Variants in BMPR2 observed in about 807,000 individuals in gnomAD.
The protein encoded by BMPR2 is bone morphogenetic protein receptor type-2.
In BMPR2, 29 loss-of-function variants were observed where a neutral mutation model predicts 100.8. The ratio of observed to expected loss-of-function variants is 0.29; its 90% CI spans 0.21 to 0.39. The LOEUF is 0.39. Ranked by LOEUF, BMPR2 falls within the 10% of genes least tolerant of loss-of-function variation. The pLI, the probability that BMPR2 is intolerant of heterozygous loss-of-function variation, is 1.00. For missense variants in BMPR2, 1,011 were observed against 1,274.5 expected (o/e 0.79, Z 3.15); for synonymous variants, 382 against 442.3 (o/e 0.86, Z 1.71).
intron 1 of BMPR2, among the ~76,000 whole-genome samples, chr2:202,453,039 T>C (rs561755423): frequency 1.3e-5 from 2 of 152,276 alleles, no homozygotes; most frequent in African/African-American, 4.8e-5. Context: ...GCTATCTGGA[T>C]GAAGCTGGAG....
Position 202,514,897 on chromosome 2 carries a change from A to T in BMPR2, c.539A>T (p.Lys180Ile), listed in dbSNP as rs1235044165. ...TTTCCTGTTCTTATAGGAGACCGTA[A>T]ACAAGGTCTTCACAGTATGAACATG... Reference protein sequence around the residue: ...FGYRMLTGDRKQGLHSMNMME... With the variant: ...FGYRMLTGDRIQGLHSMNMME... Residue 180 changes from lysine (K) to isoleucine (I), a missense_variant, in exon 5 of 13, where the codon AAA becomes ATA. Around this residue, in one of 6 missense-constraint regions of BMPR2, gnomAD observed 355 missense variants for 455.3 expected, o/e 0.78. Transcript: ENST00000374580. 1 of 1,613,912 alleles carries T rather than the reference A, an allele frequency of 6.2e-7. No individual in the cohort carries two copies. The highest frequency in any genetic ancestry group is 1.1e-5 in the South Asian group (1 of 91,072).
At chr2:202,474,486 C>CA (rs1251243569) in intron 3 of BMPR2, among the ~76,000 whole-genome samples, 1 of 151,988 alleles carries the variant, frequency 6.6e-6, no homozygotes, top group South Asian at 2.1e-4. Context: ...CAAAACAAAA[C>CA]AAAAAAGTGG....
chr2:202,406,055 A>G (rs1690885228), intron 1 of BMPR2, among the ~76,000 whole-genome samples: 1 of 152,236 alleles, frequency 6.6e-6, no homozygotes, highest in South Asian at 2.1e-4. Flanking sequence ...CTTGATGAAT[A>G]CATATTCTAC....
At chr2:202,418,655 T>G (rs959045045) in intron 1 of BMPR2, among the ~76,000 whole-genome samples, 5 of 152,164 alleles carry the variant, frequency 3.3e-5, no homozygotes, top group African/African-American at 1.2e-4. Flanking sequence ...TTCAAAGATT[T>G]TGTAGTTAAG....
At position 202,432,277 on chromosome 2, in the gene BMPR2, G is replaced by A. The variant is rs1373235569; in HGVS notation, c.77-32532G>A. On this transcript the variant is annotated intron_variant, in intron 1 of 12. Transcript: ENST00000374580. The stretch of plus-strand genomic sequence containing the variant: ...AAAGGTTGTCCATGTTCACATATAA[G>A]CAGAAAAGTAATTAATATCTAACAC... Among the ~76,000 whole-genome samples the A allele has an allele frequency of 4.6e-5, 7 of 150,726 alleles. 1 individual carries two copies. The highest frequency in any genetic ancestry group is 1.7e-4 in the African/African-American group (7 of 40,062).
intron 1 of BMPR2, among the ~76,000 whole-genome samples, chr2:202,386,911 C>G (rs1194372148): frequency 6.6e-6 from 1 of 152,154 alleles, no homozygotes; most frequent in Non-Finnish European, 1.5e-5. Flanking sequence ...TCTCAATCTC[C>G]TGACCTCGTG....
Position 202,555,651 on chromosome 2 carries a change from C to T in BMPR2, c.1986C>T (p.Asp662=). 1 of 1,614,126 alleles carries T rather than the reference C, an allele frequency of 6.2e-7. No homozygotes were observed. The highest frequency in any genetic ancestry group is 8.5e-7 in the Non-Finnish European group (1 of 1,180,032). The change falls in exon 12 of 13, where the codon GAC becomes GAT. Residue 662 remains aspartate, a synonymous_variant. Transcript: ENST00000374580. ...TCTGCTTACAGCTGACAGAAGAAGACTTGGAAACCAACAAGCTAGACCCAA... is the reference window on the plus strand; with the variant it reads ...TCTGCTTACAGCTGACAGAAGAAGATTTGGAAACCAACAAGCTAGACCCAA... ...TPVCLQLTEE[D]LETNKLDPKE...
rs1690152243 is a variant in BMPR2, at chr2:202,376,647, A to C, written c.-828A>C. On this transcript the variant is annotated 5_prime_UTR_variant, in exon 1 of 13. Transcript: ENST00000374580. ...GTGGAATTTACCTCAGGCAAGATCG[A>C]GCCGCAGGAATAAAAAGCGAGGAAG... Among the ~76,000 whole-genome samples the C allele has an allele frequency of 6.9e-6, 1 of 145,936 alleles. No individual in the cohort carries two copies. Among genetic ancestry groups the C allele is most frequent in the South Asian group, 2.5e-4 (1 of 4,066 alleles).
chr2:202,546,041 T>C (rs1056257220), intron 10 of BMPR2, among the ~76,000 whole-genome samples: 5 of 152,220 alleles, frequency 3.3e-5, no homozygotes, highest in African/African-American at 1.2e-4. Context: ...GCAACCCTAT[T>C]ATTATGAGAT....
chr2:202,546,209 C>G (rs1244373693), intron 10 of BMPR2, among the ~76,000 whole-genome samples: 1 of 152,118 alleles, frequency 6.6e-6, no homozygotes, highest in Non-Finnish European at 1.5e-5. Context: ...CAATCCAATA[C>G]TAGAGTTAGG....
intron 1 of BMPR2, among the ~76,000 whole-genome samples, chr2:202,418,778 G>A (rs1691193880): frequency 6.6e-6 from 1 of 152,176 alleles, no homozygotes; most frequent in South Asian, 2.1e-4. Flanking sequence ...GCTTCACAGA[G>A]AATAGATTGT....
rs1399069898 is a variant in BMPR2 at position 202,555,728 on chromosome 2, A to G, written c.2063A>G (p.His688Arg). 1.2e-6 allele frequency: 2 copies of G among 1,614,114 alleles called. No homozygotes were observed. The highest frequency in any genetic ancestry group is 1.3e-5 in the African/African-American group (1 of 75,004). Residue 688 changes from histidine to arginine, a missense_variant, in exon 12 of 13, where the codon CAC becomes CGC. Around this residue, in one of 6 missense-constraint regions of BMPR2, gnomAD observed 508 missense variants for 552.0 expected, o/e 0.92. Transcript: ENST00000374580. Reference sequence around the variant, plus strand: ...AGCTCTGATGAGAATCTCATGGAGCACTCTCTTAAACAGTTCAGTGGCCCA... The same window carrying G: ...AGCTCTGATGAGAATCTCATGGAGCGCTCTCTTAAACAGTTCAGTGGCCCA... ...KESSDENLME[H>R]SLKQFSGPDP...
chr2:202,396,595 T>C (rs578230422), intron 1 of BMPR2, among the ~76,000 whole-genome samples: 2 of 152,120 alleles, frequency 1.3e-5, no homozygotes, highest in African/African-American at 4.8e-5. Context: ...GAGGAAACAC[T>C]TGGAAAGCAA....
At chr2:202,556,946 G>A (rs928927452) in intron 12 of BMPR2, among the ~76,000 whole-genome samples, 4 of 152,036 alleles carry the variant, frequency 2.6e-5, no homozygotes, top group South Asian at 4.2e-4. Flanking sequence ...AGCCAGGCGT[G>A]GTGGCGTGCA....
chr2:202,377,111 T>A lies in BMPR2; in HGVS notation c.-364T>A, dbSNP rs948656730. On this transcript the variant is annotated 5_prime_UTR_variant, in exon 1 of 13. Coordinates refer to ENST00000374580, the MANE Select transcript of BMPR2 (RefSeq NM_001204.7). ...GAATCCCCGCCCTCCGCACCCTGGA[T>A]ATGTTTTCTCCCAGACCTGGATATT... is the stretch of plus-strand genomic sequence containing the variant. The A allele has an allele frequency of 3.6e-6, 2 of 559,242 alleles. No homozygotes were observed. Among genetic ancestry groups the A allele is most frequent in the African/African-American group, 3.8e-5 (2 of 52,486 alleles). The allele number at this position is 559,242 out of a possible 1,614,324, so 34.6% of individuals were successfully genotyped here.
chr2:202,556,326 T>C lies in BMPR2; in HGVS notation c.2661T>C (p.Leu887=). ...AGHDEGVLDR[L]VDRRERPLEG... is the part of the protein sequence containing the mutation. ...ATGATGAAGGTGTTCTGGATCGTCTTGTGGACAGGAGGGAACGGCCACTAG... is the reference window on the plus strand; with the variant it reads ...ATGATGAAGGTGTTCTGGATCGTCTCGTGGACAGGAGGGAACGGCCACTAG... The change falls in exon 12 of 13, where the codon CTT becomes CTC. Residue 887 remains leucine, a synonymous_variant. Coordinates refer to ENST00000374580, the MANE Select transcript of BMPR2 (RefSeq NM_001204.7). The C allele has an allele frequency of 1.9e-6, 3 of 1,614,234 alleles. No individual in the cohort carries two copies. The highest frequency in any genetic ancestry group is 2.5e-6 in the Non-Finnish European group (3 of 1,180,040).
intron 3 of BMPR2, 70 bp from the exon 4 acceptor site, chr2:202,513,649 G>A: frequency 8.9e-7 from 1 of 1,119,370 alleles, no homozygotes. Flanking sequence ...TTTCTAAAGG[G>A]CAGTCTGTCA....
chr2:202,515,832 T>C (rs568043949), intron 5 of BMPR2, among the ~76,000 whole-genome samples: 10 of 152,156 alleles, frequency 6.6e-5, no homozygotes, highest in African/African-American at 2.2e-4. Context: ...GAGGTTGCAA[T>C]GAGCCAAGAT....
At chr2:202,385,644 G>A (rs532610178) in intron 1 of BMPR2, among the ~76,000 whole-genome samples, 2 of 142,954 alleles carry the variant, frequency 1.4e-5, no homozygotes, top group Non-Finnish European at 3.0e-5. Context: ...GATTACAGGC[G>A]TGAGCCACCA....
Sources: allele counts gnomAD v4.1 joint callset (sites outside exome capture counted in the v4.1 genomes callset), GRCh38; gene constraint gnomAD v4.1.1; regional missense constraint gnomAD v4.1.1; transcripts MANE v1.5; gene names NCBI Gene and HGNC (gene_info 2026-07-23, HGNC 2026-07-21).